The following CPAP variants were observed in gnomAD, a reference collection of about 807,000 sequenced individuals.
The protein encoded by CPAP is centrosome assembly and centriole elongation protein, also known as centrosomal P4.1-associated protein.
the CPAP span, among the ~76,000 whole-genome samples, chr13:24,919,202 C>A: frequency 6.6e-6 from 1 of 152,048 alleles, no homozygotes; most frequent in Non-Finnish European, 1.5e-5. Context: ...AAATTTTCAA[C>A]GAAGTGACCA....
the CPAP span, among the ~76,000 whole-genome samples, chr13:24,896,026 T>C: frequency 6.6e-6 from 1 of 152,342 alleles, no homozygotes; most frequent in East Asian, 1.9e-4. Flanking sequence ...AGAGTATCAA[T>C]AAACATAGGT....
chr13:24,912,005 CT>C, the CPAP span: 1 of 1,614,114 alleles, frequency 6.2e-7, no homozygotes, highest in African/African-American at 1.3e-5. Flanking sequence ...TTCCATGAGT[CT>C]CTGTAGTTGC....
the CPAP span, among the ~76,000 whole-genome samples, chr13:24,902,964 A>G: frequency 6.6e-6 from 1 of 152,232 alleles, no homozygotes; most frequent in African/African-American, 2.4e-5. Context: ...TGTGACATAT[A>G]ATATCCCCAA....
At chr13:24,900,392 T>C in the CPAP span, among the ~76,000 whole-genome samples, 18 of 152,136 alleles carry the variant, frequency 1.2e-4, no homozygotes, top group Non-Finnish European at 1.8e-4. Context: ...TCCAGCACTT[T>C]GGGAGGCCGA....
the CPAP span, among the ~76,000 whole-genome samples, chr13:24,918,020 CAGG>C: frequency 3.3e-5 from 5 of 152,314 alleles, no homozygotes; most frequent in South Asian, 1.0e-3. Context: ...AAGTTTCCAA[CAGG>C]AGTTTTGGAG....
At chr13:24,912,012 G>C in the CPAP span, 1 of 1,614,074 alleles carries the variant, frequency 6.2e-7, no homozygotes. Flanking sequence ...AGTCTCTGTA[G>C]TTGCTCCAAC....
At chr13:24,908,435 CAAAAAAAAAAAAAAAA>C in the CPAP span, among the ~76,000 whole-genome samples, 1 of 80,904 alleles carries the variant, frequency 1.2e-5, no homozygotes, top group Non-Finnish European at 2.1e-5. Context: ...CCCGTCTCTA[CAAAAAAAAAAAAAAAA>C]AAAAAAAAAA....
chr13:24,930,168 A>G, the CPAP span, among the ~76,000 whole-genome samples: 1 of 151,986 alleles, frequency 6.6e-6, no homozygotes. Flanking sequence ...GCCTCCCAAG[A>G]TGGTAGGTTT....
At chr13:24,890,025 C>T in the CPAP span, among the ~76,000 whole-genome samples, 1 of 152,178 alleles carries the variant, frequency 6.6e-6, no homozygotes, top group Non-Finnish European at 1.5e-5. Context: ...CTGCAATTAT[C>T]AATAACCACA....
the CPAP span, among the ~76,000 whole-genome samples, chr13:24,901,873 T>A: frequency 6.6e-6 from 1 of 152,042 alleles, no homozygotes; most frequent in Non-Finnish European, 1.5e-5. Flanking sequence ...GTGCCTGTAG[T>A]CCCCGCTACG....
At chr13:24,889,424 T>C in the CPAP span, 1 of 1,470,658 alleles carries the variant, frequency 6.8e-7, no homozygotes, top group African/African-American at 1.4e-5. Context: ...GATAATTTTT[T>C]ATTTAAAATG....
chr13:24,904,651 C>T, the CPAP span, among the ~76,000 whole-genome samples: 189 of 152,228 alleles, frequency 1.2e-3, 1 homozygote, highest in African/African-American at 4.4e-3. Flanking sequence ...AATGGCATAG[C>T]AGTTACTTTT....
chr13:24,928,481 T>A, the CPAP span, among the ~76,000 whole-genome samples: 9 of 152,210 alleles, frequency 5.9e-5, no homozygotes, highest in Admixed American at 1.3e-4. Flanking sequence ...CCCAGGCTGG[T>A]GTCCAGTGGC....
the CPAP span, among the ~76,000 whole-genome samples, chr13:24,896,595 A>C: frequency 6.6e-6 from 1 of 152,284 alleles, no homozygotes; most frequent in Non-Finnish European, 1.5e-5. Flanking sequence ...ATCAAGTTGC[A>C]AGAAAAGAAA....
the CPAP span, chr13:24,892,606 C>T: frequency 6.6e-7 from 1 of 1,510,566 alleles, no homozygotes. Context: ...TTGAAGCTCC[C>T]CCTGGCCTGA....
the CPAP span, among the ~76,000 whole-genome samples, chr13:24,901,968 G>A: frequency 2.6e-5 from 4 of 152,132 alleles, no homozygotes; most frequent in African/African-American, 4.8e-5. Flanking sequence ...TCCAGTCTGG[G>A]TGATAAAGCC....
the CPAP span, chr13:24,882,872 TGG>T: frequency 2.8e-5 from 10 of 362,264 alleles, no homozygotes; most frequent in Non-Finnish European, 4.1e-5. Flanking sequence ...CTGTACTTCT[TGG>T]TTTTTTTTTA....
At chr13:24,916,298 A>G in the CPAP span, among the ~76,000 whole-genome samples, 74,595 of 151,956 alleles carry the variant, frequency 0.49, 19,079 homozygotes, top group East Asian at 0.72. Flanking sequence ...CTTTATCAAT[A>G]TAATACAGCA....
chr13:24,919,699 C>T, the CPAP span, among the ~76,000 whole-genome samples: 2 of 151,818 alleles, frequency 1.3e-5, no homozygotes, highest in South Asian at 2.1e-4. Flanking sequence ...GGATTACAGG[C>T]GTGAGCCCCT....
Sources: allele counts gnomAD v4.1 joint callset (sites outside exome capture counted in the v4.1 genomes callset), GRCh38; gene constraint gnomAD v4.1.1; transcripts MANE v1.5; gene names NCBI Gene and HGNC (gene_info 2026-07-23, HGNC 2026-07-21).